The following GSN variants were observed in gnomAD, a reference collection of about 807,000 sequenced individuals.
GSN encodes the protein actin-depolymerizing factor.
Under a neutral mutation model 85.7 loss-of-function variants are expected in GSN, and 56 were observed. That is an observed-to-expected ratio of 0.65 (90% CI 0.53 to 0.82). The LOEUF (loss-of-function observed/expected upper bound fraction) is 0.82, where lower values mean the gene tolerates loss of function less well. Ranked by LOEUF, GSN falls within the 40% of genes least tolerant of loss-of-function variation. GSN has a pLI of 0.00. For synonymous variants in GSN, 373 were observed against 399.1 expected (o/e 0.93, Z 0.78); for missense variants, 857 against 979.8 (o/e 0.87, Z 1.67).
chr9:121,227,033 C>G (rs562796730), intron 4 of GSN, among the ~76,000 whole-genome samples: 1 of 152,208 alleles, frequency 6.6e-6, no homozygotes, highest in African/African-American at 2.4e-5. Context: ...ATCAGCACCT[C>G]TCCAGACGTT....
chr9:121,302,390 C>T (rs573739811), intron 3 of GSN, among the ~76,000 whole-genome samples: 1 of 152,244 alleles, frequency 6.6e-6, no homozygotes, highest in East Asian at 1.9e-4. Context: ...ACTTAGTGTC[C>T]CTGTGGAGTG....
In GSN at chr9:121,218,007, T is replaced by A. The variant is rs548148322; in HGVS notation, c.-528+7140T>A. Among the ~76,000 whole-genome samples the A allele has an allele frequency of 2.0e-5, 3 of 152,178 alleles. No homozygotes were observed. In the East Asian group the frequency reaches 5.8e-4, roughly 29 times the overall value. On this transcript the variant is annotated intron_variant, in intron 4 of 24. Coordinates refer to the GSN transcript ENST00000373823. ...GTACGATCAAATTGTCCATATTGTT[T>A]TGCATATCCTGATCTTATTCATTCT...
rs534829695 is a variant in GSN at position 121,270,284 on chromosome 9, A to G, written c.-103+2065A>G. ...GGGTTTGGACCTCATCCTGAAGGCA[A>G]TGAAGAGCTGAGAAAGGGTTTTGAC... On this transcript the variant is annotated intron_variant, in intron 1 of 17. Coordinates refer to ENST00000432226, the MANE Select transcript of GSN (RefSeq NM_198252.3). Among the ~76,000 whole-genome samples the G allele has an allele frequency of 3.2e-4, 49 of 152,332 alleles. 1 individual carries two copies. In the South Asian group the frequency reaches 4.8e-3, roughly 15 times the overall value.
chr9:121,258,849 T>C (rs1402368760), intron 6 of GSN, among the ~76,000 whole-genome samples: 1 of 152,238 alleles, frequency 6.6e-6, no homozygotes, highest in Non-Finnish European at 1.5e-5. Flanking sequence ...AATTTCTTTA[T>C]TTGATCATCT....
intron 5 of GSN, among the ~76,000 whole-genome samples, chr9:121,234,919 G>C (rs2054463683): frequency 6.6e-6 from 1 of 152,234 alleles, no homozygotes; most frequent in Admixed American, 6.5e-5. Flanking sequence ...GGCTGTTCCA[G>C]ATGGAGTTAG....
At chr9:121,306,292 G>C (rs2060411765) in intron 4 of GSN, among the ~76,000 whole-genome samples, 1 of 152,192 alleles carries the variant, frequency 6.6e-6, no homozygotes, top group East Asian at 1.9e-4. Context: ...AAGGAGCTCT[G>C]AGTTTAGAGG....
chr9:121,314,808 G>A (rs1342727913), intron 7 of GSN, among the ~76,000 whole-genome samples: 1 of 152,158 alleles, frequency 6.6e-6, no homozygotes, highest in Admixed American at 6.5e-5. Flanking sequence ...CCTCATGAGA[G>A]AACACATCTT....
intron 1 of GSN, among the ~76,000 whole-genome samples, chr9:121,272,839 T>C (rs1292247599): frequency 6.6e-6 from 1 of 152,218 alleles, no homozygotes; most frequent in Non-Finnish European, 1.5e-5. Context: ...GTTCTCTTCT[T>C]TGAGTCTCAC....
upstream of GSN, among the ~76,000 whole-genome samples, chr9:121,264,304 T>G (rs540235759): frequency 4.6e-5 from 7 of 152,166 alleles, no homozygotes; most frequent in South Asian, 1.5e-3. Flanking sequence ...AACATAAAAA[T>G]TAGCCAGGCC....
At chr9:121,224,907 C>T (rs559231013) in intron 4 of GSN, among the ~76,000 whole-genome samples, 111 of 152,276 alleles carry the variant, frequency 7.3e-4, no homozygotes, top group African/African-American at 2.5e-3. Flanking sequence ...CAGCCTTATT[C>T]TCCTGGGCTC....
chr9:121,272,832 C>T lies in GSN; in HGVS notation c.-103+4613C>T, dbSNP rs1051905349. Among the ~76,000 whole-genome samples, 5 of 152,192 alleles carry T rather than the reference C, an allele frequency of 3.3e-5. No individual in the cohort carries two copies. The South Asian group carries it at 1.0e-3, about 31-fold the overall frequency. On this transcript the variant is annotated intron_variant, in intron 1 of 17. Transcript: ENST00000432226. ...TTAGAAAAATGAAAGGACTTACGTT[C>T]TCTTCTTTGAGTCTCACAATAGTCC...
intron 6 of GSN, among the ~76,000 whole-genome samples, chr9:121,259,090 G>T (rs141992506): frequency 6.6e-6 from 1 of 152,356 alleles, no homozygotes; most frequent in African/African-American, 2.4e-5. Flanking sequence ...ATTCAATTCA[G>T]TGTGTATTGA....
chr9:121,332,513 TC>T lies in GSN; in HGVS notation c.2109del (p.Ser704ProfsTer92). On this transcript the variant is annotated frameshift_variant, in exon 18 of 18. Coordinates refer to ENST00000432226, the MANE Select transcript of GSN (RefSeq NM_198252.3). LOFTEE classifies it high-confidence loss of function. The surrounding 1 kb of genome is among the most constrained non-coding windows in gnomAD (Gnocchi z 4.8). ...ITVVKQGFEP[P>X]SFVGWFLGWD... ...CCGTGGTGAAGCAAGGCTTTGAGCCTCCCTCCTTTGTGGGCTGGTTCCTTGG... is the reference window on the plus strand; with the variant it reads ...CCGTGGTGAAGCAAGGCTTTGAGCCTCCTCCTTTGTGGGCTGGTTCCTTGG... 6.2e-7 allele frequency: 1 copy of T among 1,613,992 alleles called. No homozygotes were observed. Among genetic ancestry groups the T allele is most frequent in the East Asian group, 2.2e-5 (1 of 44,876 alleles).
chr9:121,268,508 A>AC (rs2055399498), intron 1 of GSN, among the ~76,000 whole-genome samples: 1 of 148,212 alleles, frequency 6.7e-6, no homozygotes. Context: ...AATAACCTCG[A>AC]CCCCGCCCCC....
intron 3 of GSN, 47 bp downstream of exon 3, chr9:121,302,214 A>T (rs1448721389): frequency 1.3e-5 from 21 of 1,602,370 alleles, no homozygotes; most frequent in Non-Finnish European, 1.6e-5. Flanking sequence ...CATTCTGAAC[A>T]GTGCAGACCT....
chr9:121,229,453 C>T (rs2054344416), intron 4 of GSN, among the ~76,000 whole-genome samples: 1 of 152,140 alleles, frequency 6.6e-6, no homozygotes. Flanking sequence ...CTTCTGACCT[C>T]AGGTGATCCA....
chr9:121,202,524 A>C, the GSN span, among the ~76,000 whole-genome samples: 3 of 152,106 alleles, frequency 2.0e-5, no homozygotes, highest in Non-Finnish European at 4.4e-5. Context: ...GGGTGAGAGA[A>C]ATGTGATATT....
intron 5 of GSN, among the ~76,000 whole-genome samples, chr9:121,235,493 C>T (rs1232633959): frequency 6.6e-6 from 1 of 152,212 alleles, no homozygotes; most frequent in Non-Finnish European, 1.5e-5. Flanking sequence ...CCCTGTCCAG[C>T]TCAAGAATCA....
rs2059522711 is a variant in GSN at position 121,299,280 on chromosome 9, G to C, written c.-9-2683G>C. The C allele has an allele frequency of 1.0e-6, 1 of 985,180 alleles. No individual in the cohort carries two copies. Among genetic ancestry groups the C allele is most frequent in the Non-Finnish European group, 1.2e-6 (1 of 829,800 alleles). 61.0% of individuals were successfully genotyped at this position (985,180 alleles called of 1,614,324 possible). ...GGCTTCACCTGCCCACGGGAGCCGG[G>C]TCCCCTGCCCTGCTGCGGCGCATGC... On this transcript the variant is annotated intron_variant, in intron 2 of 17. Transcript: ENST00000432226. This position sits in a 1 kb window ranked among gnomAD's most constrained non-coding sequence, Gnocchi z 4.2.
Sources: allele counts gnomAD v4.1 joint callset (sites outside exome capture counted in the v4.1 genomes callset), GRCh38; gene constraint gnomAD v4.1.1; non-coding constraint Gnocchi (gnomAD v3.1); transcripts MANE v1.5; gene names NCBI Gene and HGNC (gene_info 2026-07-23, HGNC 2026-07-21).